Variants in PPARD observed in about 807,000 individuals in gnomAD.
PPARD encodes peroxisome proliferator-activated receptor delta.
In PPARD, 6 loss-of-function variants were observed where a neutral mutation model predicts 39.5. The ratio of observed to expected loss-of-function variants is 0.15; its 90% CI spans 0.08 to 0.30. The LOEUF (loss-of-function observed/expected upper bound fraction) is 0.30. PPARD is among the 10% of genes least tolerant of loss of function. The pLI, the probability that PPARD is intolerant of heterozygous loss-of-function variation, is 1.00. For synonymous variants in PPARD, 210 were observed against 231.3 expected (o/e 0.91, Z 0.83); for missense variants, 397 against 596.8 (o/e 0.67, Z 3.49).
chr6:35,391,448 C>T (rs1230660630), intron 2 of PPARD, among the ~76,000 whole-genome samples: 1 of 152,176 alleles, frequency 6.6e-6, no homozygotes, highest in African/African-American at 2.4e-5. Flanking sequence ...GGTGGGAACC[C>T]ACATAGATGA....
At position 35,377,353 on chromosome 6, in the gene PPARD, T is replaced by C. The variant is rs572592525; in HGVS notation, c.-102+30203T>C. 2.6e-5 allele frequency among the ~76,000 whole-genome samples: 4 copies of C among 152,324 alleles called. No individual in the cohort carries two copies. In the East Asian group the frequency reaches 7.7e-4, roughly 29 times the overall value. ...TGATAGTGGTGGAAAGGGGAAGCTC[T>C]TTCACGTTAATTTAGTCCCGTATCC... On this transcript the variant is annotated intron_variant, in intron 2 of 7. Coordinates refer to ENST00000360694, the MANE Select transcript of PPARD (RefSeq NM_006238.5).
intron 1 of PPARD, among the ~76,000 whole-genome samples, chr6:35,343,208 ACT>A (rs1283722029): frequency 1.3e-5 from 2 of 149,902 alleles, no homozygotes; most frequent in South Asian, 2.1e-4. Flanking sequence ...CTCAGGCTTT[ACT>A]CTCTCTCCCC....
At chr6:35,365,042 C>T (rs1197009782) in intron 2 of PPARD, among the ~76,000 whole-genome samples, 1 of 151,822 alleles carries the variant, frequency 6.6e-6, no homozygotes, top group African/African-American at 2.4e-5. Flanking sequence ...TACCTGATAC[C>T]TGTCTGCTAT....
intron 2 of PPARD, among the ~76,000 whole-genome samples, chr6:35,374,786 G>A (rs1173048766): frequency 6.6e-6 from 1 of 152,100 alleles, no homozygotes; most frequent in African/African-American, 2.4e-5. Flanking sequence ...CACTCCCCCA[G>A]TGATTCTTAC....
intron 2 of PPARD, among the ~76,000 whole-genome samples, chr6:35,350,634 T>C (rs1000097614): frequency 3.2e-4 from 42 of 129,438 alleles, no homozygotes; most frequent in Middle Eastern, 7.4e-3. Flanking sequence ...TTTTTTTTTT[T>C]CTCTGAGACA....
rs1204191700 is a variant in PPARD at position 35,376,480 on chromosome 6, C to CT, written c.-102+29332dup. On this transcript the variant is annotated intron_variant, in intron 2 of 7. Transcript: ENST00000360694. The stretch of plus-strand genomic sequence containing the variant: ...CTTGCCCCTCTTGGTGGTTTATTTC[C>CT]TTGTGTGGTTTGTAACTTTGGGTGT... 9.2e-5 allele frequency among the ~76,000 whole-genome samples: 14 copies of CT among 151,842 alleles called. No individual in the cohort carries two copies. The South Asian group carries it at 2.7e-3, about 29-fold the overall frequency.
chr6:35,349,833 CT>C (rs1432619407), intron 2 of PPARD, among the ~76,000 whole-genome samples: 5 of 152,106 alleles, frequency 3.3e-5, no homozygotes, highest in African/African-American at 1.2e-4. Flanking sequence ...CCTCCACCTC[CT>C]GGGTTCAAGC....
chr6:35,395,148 G>A (rs1179735110), intron 2 of PPARD, among the ~76,000 whole-genome samples: 1 of 152,204 alleles, frequency 6.6e-6, no homozygotes, highest in Non-Finnish European at 1.5e-5. Flanking sequence ...CTTATCCGAA[G>A]GTTAATAGAC....
At position 35,421,017 on chromosome 6, in the gene PPARD, G is replaced by T. The variant is rs530287614; in HGVS notation, c.285+736G>T. ...AATTTTTGTATTTTTAGTAGAGATGGGGTTTCACCACATTGGCCAGGCTGG... is the reference window on the plus strand; with the variant it reads ...AATTTTTGTATTTTTAGTAGAGATGTGGTTTCACCACATTGGCCAGGCTGG... On this transcript the variant is annotated intron_variant, in intron 4 of 7. Transcript: ENST00000360694. Among the ~76,000 whole-genome samples the T allele has an allele frequency of 2.8e-4, 43 of 152,000 alleles. No individual in the cohort carries two copies. In the South Asian group the frequency reaches 7.7e-3, roughly 27 times the overall value.
intron 2 of PPARD, among the ~76,000 whole-genome samples, chr6:35,356,418 A>G (rs1405245977): frequency 1.3e-5 from 2 of 152,180 alleles, no homozygotes; most frequent in Non-Finnish European, 2.9e-5. Context: ...GTCAGAATCC[A>G]GAGCTCTCTA....
Position 35,425,957 on chromosome 6 carries a change from A to G in PPARD, c.1204A>G (p.Lys402Glu). Residue 402 changes from lysine to glutamate, a missense_variant, in exon 8 of 8, where the codon AAG becomes GAG. Coordinates refer to ENST00000360694, the MANE Select transcript of PPARD (RefSeq NM_006238.5). The surrounding 1 kb of genome is among the most constrained non-coding windows in gnomAD (Gnocchi z 4.5). ...AQYLFPKLLQKMADLRQLVTE... is the reference protein window; with the variant it reads ...AQYLFPKLLQEMADLRQLVTE... Reference sequence around the variant, plus strand: ...GTACCTCTTCCCCAAGCTGCTGCAGAAGATGGCTGACCTGCGGCAACTGGT... The same window carrying G: ...GTACCTCTTCCCCAAGCTGCTGCAGGAGATGGCTGACCTGCGGCAACTGGT... The G allele has an allele frequency of 6.2e-7, 1 of 1,614,184 alleles. No homozygotes were observed. The highest frequency in any genetic ancestry group is 8.5e-7 in the Non-Finnish European group (1 of 1,180,030).
chr6:35,403,889 G>A (rs1764858292), intron 2 of PPARD, among the ~76,000 whole-genome samples: 1 of 152,228 alleles, frequency 6.6e-6, no homozygotes, highest in African/African-American at 2.4e-5. Context: ...AGTGATGTGG[G>A]ATCATGAGGC....
In PPARD at chr6:35,412,949, T is replaced by C. The variant is rs947928971; in HGVS notation, c.130+1732T>C. Among the ~76,000 whole-genome samples the C allele has an allele frequency of 6.6e-6, 1 of 152,070 alleles. No homozygotes were observed. On this transcript the variant is annotated intron_variant, in intron 3 of 7. Transcript: ENST00000360694. This position sits in a 1 kb window ranked among gnomAD's most constrained non-coding sequence, Gnocchi z 4.1. ...GGGTTAGAAAGCAAAGGGAAGACAGTGGGGACTAAGAATGAGTGTGGGATG... is the reference window on the plus strand; with the variant it reads ...GGGTTAGAAAGCAAAGGGAAGACAGCGGGGACTAAGAATGAGTGTGGGATG...
chr6:35,375,135 CTT>C (rs1762735269), intron 2 of PPARD, among the ~76,000 whole-genome samples: 1 of 150,564 alleles, frequency 6.6e-6, no homozygotes, highest in Non-Finnish European at 1.5e-5. Context: ...TGGGATTTAA[CTT>C]AACGTATTAC....
At position 35,362,395 on chromosome 6, in the gene PPARD, T is replaced by A. The variant is rs368171303; in HGVS notation, c.-102+15245T>A. The stretch of plus-strand genomic sequence containing the variant: ...CTCTGCCTCTCCCCATCTGTGTCTC[T>A]CCCTGTCCCTGTCCAGCGCCCCATC... On this transcript the variant is annotated intron_variant, in intron 2 of 7. Transcript: ENST00000360694. 4.0e-4 allele frequency among the ~76,000 whole-genome samples: 60 copies of A among 151,400 alleles called. 1 individual carries two copies. The highest frequency in any genetic ancestry group is 1.4e-3 in the African/African-American group (58 of 41,122).
chr6:35,414,969 A>G (rs770232385), intron 3 of PPARD, among the ~76,000 whole-genome samples: 78 of 152,158 alleles, frequency 5.1e-4, no homozygotes, highest in Non-Finnish European at 1.0e-3. Context: ...CCAGAAACCC[A>G]CTTGCCAGGG....
Position 35,387,693 on chromosome 6 carries a change from A to T in PPARD, c.-101-23294A>T, listed in dbSNP as rs368266417. The stretch of plus-strand genomic sequence containing the variant: ...TGTATCTTGGGAATCTTTCCATATC[A>T]GCATATACAGATACACTGCATTCTT... On this transcript the variant is annotated intron_variant, in intron 2 of 7. Coordinates refer to ENST00000360694, the MANE Select transcript of PPARD (RefSeq NM_006238.5). 4.7e-5 allele frequency among the ~76,000 whole-genome samples: 7 copies of T among 147,542 alleles called. No individual in the cohort carries two copies. In the East Asian group the frequency reaches 1.4e-3, roughly 29 times the overall value.
chr6:35,385,503 C>A (rs375915634), intron 2 of PPARD, among the ~76,000 whole-genome samples: 9,701 of 148,336 alleles, frequency 0.065, 24 homozygotes, highest in African/African-American at 0.14. Flanking sequence ...TGCGGAAGGC[C>A]GCAGGGTCCT....
At chr6:35,353,345 C>T (rs763722414) in intron 2 of PPARD, among the ~76,000 whole-genome samples, 1 of 152,160 alleles carries the variant, frequency 6.6e-6, no homozygotes, top group Non-Finnish European at 1.5e-5. Context: ...ATCTGAGTTC[C>T]TCTGGTTGCA....
Sources: gnomAD v4.1 joint callset for allele counts (sites outside exome capture counted in the v4.1 genomes callset) on GRCh38, gnomAD v4.1.1 for gene constraint, Gnocchi (gnomAD v3.1) non-coding constraint, MANE v1.5 for transcripts, NCBI Gene and HGNC (gene_info 2026-07-23, HGNC 2026-07-21) for gene names.